SLC17A4: variants seen among roughly 807,000 people sequenced by gnomAD.
SLC17A4 encodes solute carrier family 17 member 4, also known as probable small intestine urate exporter.
SLC17A4 carries 33 observed loss-of-function variants against 52.5 expected under a neutral mutation model. That is an observed-to-expected ratio of 0.63 (90% CI 0.48 to 0.84). SLC17A4 has a LOEUF of 0.84. Ranked by LOEUF, SLC17A4 falls within the 40% of genes least tolerant of loss-of-function variation. SLC17A4 has a pLI of 0.00. For missense variants in SLC17A4, 585 were observed against 597.1 expected, an observed-to-expected ratio of 0.98 and a Z score of 0.21; for synonymous variants, 225 against 216.2, an observed-to-expected ratio of 1.04 and a Z score of -0.36.
chr6:25,756,168 A>T (rs1371985425), intron 1 of SLC17A4, among the ~76,000 whole-genome samples: 1 of 152,028 alleles, frequency 6.6e-6, no homozygotes, highest in African/African-American at 2.4e-5. Flanking sequence ...TGGTCTGGCC[A>T]TTTTGGGAGA....
intron 11 of SLC17A4, 150 bp from the exon 12 acceptor site, chr6:25,778,904 T>G: frequency 1.1e-6 from 1 of 924,326 alleles, no homozygotes; most frequent in East Asian, 2.4e-5. Flanking sequence ...GGCAGAAATG[T>G]ACTTGAGTAT....
At chr6:25,774,002 T>G (rs1250921652) in intron 8 of SLC17A4, among the ~76,000 whole-genome samples, 2 of 152,180 alleles carry the variant, frequency 1.3e-5, no homozygotes, top group Non-Finnish European at 2.9e-5. Context: ...CATCAAAATT[T>G]GCAAACAAGA....
chr6:25,758,545 C>T (rs1030336836), intron 1 of SLC17A4, among the ~76,000 whole-genome samples: 15 of 152,134 alleles, frequency 9.9e-5, no homozygotes, highest in Non-Finnish European at 1.8e-4. Flanking sequence ...AGGAATTTAT[C>T]CATCTCCTCT....
intron 2 of SLC17A4, among the ~76,000 whole-genome samples, chr6:25,766,207 A>G (rs1343350225): frequency 1.3e-5 from 2 of 151,344 alleles, no homozygotes; most frequent in African/African-American, 2.4e-5. Context: ...ATAAATATGA[A>G]TAAAGAAAAA....
At chr6:25,767,720 G>C (rs1762138959) in intron 2 of SLC17A4, among the ~76,000 whole-genome samples, 1 of 152,164 alleles carries the variant, frequency 6.6e-6, no homozygotes, top group South Asian at 2.1e-4. Flanking sequence ...TAGCTGAGGT[G>C]CCCATTCTTA....
intron 1 of SLC17A4, among the ~76,000 whole-genome samples, chr6:25,755,312 T>C (rs1003018016): frequency 1.3e-5 from 2 of 152,170 alleles, no homozygotes; most frequent in African/African-American, 4.8e-5. Flanking sequence ...AAATGAAATC[T>C]AATATGGCTT....
chr6:25,777,634 A>G lies in SLC17A4; in HGVS notation c.1269-292A>G, dbSNP rs2151463876. On this transcript the variant is annotated intron_variant, in intron 10 of 11. Transcript: ENST00000377905. ...AAACCTTACAAACCAGGTGCAGACCATCAATCTGACCATCTTGCATAAACA... is the reference window on the plus strand; with the variant it reads ...AAACCTTACAAACCAGGTGCAGACCGTCAATCTGACCATCTTGCATAAACA... 3 of 281,332 alleles carry G rather than the reference A, an allele frequency of 1.1e-5. No individual in the cohort carries two copies. The East Asian group carries it at 2.0e-4, about 19-fold the overall frequency. The allele number at this position is 281,332 out of a possible 1,614,324, so 17.4% of individuals were successfully genotyped here. A position where few individuals can be genotyped will look rare whatever the true frequency, so the allele number is the denominator to read the frequency against.
At chr6:25,759,061 A>T (rs1761293719) in intron 1 of SLC17A4, among the ~76,000 whole-genome samples, 1 of 152,164 alleles carries the variant, frequency 6.6e-6, no homozygotes. Context: ...TGAGCCAATG[A>T]TCATTTAGGA....
At chr6:25,778,080 T>C in intron 11 of SLC17A4, 64 bp downstream of exon 11, 1 of 1,237,012 alleles carries the variant, frequency 8.1e-7, no homozygotes, top group Non-Finnish European at 1.2e-6. Flanking sequence ...TTTTTTCACA[T>C]ATGCACGGCC....
intron 6 of SLC17A4, 52 bp from the exon 7 acceptor site, chr6:25,773,223 C>A: frequency 7.2e-7 from 1 of 1,393,628 alleles, no homozygotes; most frequent in Non-Finnish European, 1.0e-6. Flanking sequence ...TAGAGTCAAA[C>A]TGAAAGAAGT....
chr6:25,778,513 C>T (rs761136218), intron 11 of SLC17A4, among the ~76,000 whole-genome samples: 1 of 152,134 alleles, frequency 6.6e-6, no homozygotes, highest in Non-Finnish European at 1.5e-5. Flanking sequence ...TTTCTCCTGT[C>T]ATTCAATGAC....
intron 11 of SLC17A4, 139 bp downstream of exon 11, chr6:25,778,155 T>G (rs1581432846): frequency 1.7e-6 from 1 of 597,488 alleles, no homozygotes; most frequent in East Asian, 2.8e-5. Flanking sequence ...GACTTAAGAA[T>G]TAAAGAAACT....
chr6:25,767,312 A>G (rs1330901347), intron 2 of SLC17A4, among the ~76,000 whole-genome samples: 2 of 152,222 alleles, frequency 1.3e-5, no homozygotes, highest in Non-Finnish European at 2.9e-5. Flanking sequence ...TAAATTTTGT[A>G]ATAGCCTATT....
Position 25,771,002 on chromosome 6 carries a change from C to T in SLC17A4, c.696C>T (p.Phe232=), listed in dbSNP as rs2151443662. 1 of 1,613,612 alleles carries T rather than the reference C, an allele frequency of 6.2e-7. No individual in the cohort carries two copies. The highest frequency in any genetic ancestry group is 1.7e-5 in the Admixed American group (1 of 59,998). Residue 232 remains phenylalanine, a synonymous_variant, in exon 6 of 12, where the codon TTC becomes TTT. Transcript: ENST00000377905. ...LCQTIGWPYV[F]YIFGGIGCAC... ...AGACCATAGGATGGCCTTACGTCTTCTATATCTTTGGTGAGTGTGCTTTTC... is the reference window on the plus strand; with the variant it reads ...AGACCATAGGATGGCCTTACGTCTTTTATATCTTTGGTGAGTGTGCTTTTC...
intron 11 of SLC17A4, among the ~76,000 whole-genome samples, chr6:25,778,639 A>C (rs942489085): frequency 6.6e-6 from 1 of 152,234 alleles, no homozygotes; most frequent in African/African-American, 2.4e-5. Flanking sequence ...AGAAACAGAA[A>C]GAAATCTATG....
chr6:25,769,782 A>ATT (rs1233593016), intron 3 of SLC17A4, among the ~76,000 whole-genome samples: 1 of 147,966 alleles, frequency 6.8e-6, no homozygotes, highest in African/African-American at 2.5e-5. Flanking sequence ...CCTTCCACGT[A>ATT]TTTTTTTTTT....
chr6:25,777,830 T>C, intron 10 of SLC17A4, 96 bp from the exon 11 acceptor site: 1 of 981,008 alleles, frequency 1.0e-6, no homozygotes, highest in Non-Finnish European at 1.6e-6. Context: ...ATTAACCCTT[T>C]GTTTGCACAG....
At chr6:25,775,418 C>A (rs141075896) in intron 8 of SLC17A4, among the ~76,000 whole-genome samples, 1 of 151,456 alleles carries the variant, frequency 6.6e-6, no homozygotes, top group African/African-American at 2.4e-5. Flanking sequence ...AATGATAATT[C>A]TTTCTATGTC....
At chr6:25,764,231 C>T (rs1761808619) in intron 2 of SLC17A4, among the ~76,000 whole-genome samples, 1 of 152,158 alleles carries the variant, frequency 6.6e-6, no homozygotes, top group African/African-American at 2.4e-5. Flanking sequence ...TGAATGGAAT[C>T]CTGAGGATTG....
Sources: allele counts gnomAD v4.1 joint callset (sites outside exome capture counted in the v4.1 genomes callset), GRCh38; gene constraint gnomAD v4.1.1; transcripts MANE v1.5; gene names NCBI Gene and HGNC (gene_info 2026-07-23, HGNC 2026-07-21).